Variants in CALCRL observed in about 807,000 individuals in gnomAD.
The protein encoded by CALCRL is calcitonin receptor like receptor.
Under a neutral mutation model 60.4 loss-of-function variants are expected in CALCRL, and 27 were observed. The observed-to-expected ratio is 0.45, with a 90% CI of 0.33 to 0.62. CALCRL has a LOEUF of 0.62. CALCRL is among the 20% of genes least tolerant of loss of function. CALCRL has a pLI of 0.03. For missense variants in CALCRL, 424 were observed against 540.7 expected, an observed-to-expected ratio of 0.78 and a Z score of 2.14; for synonymous variants, 190 against 182.6, an observed-to-expected ratio of 1.04 and a Z score of -0.33.
chr2:187,432,497 C>T (rs1168707341), intron 1 of CALCRL, among the ~76,000 whole-genome samples: 1 of 152,006 alleles, frequency 6.6e-6, no homozygotes, highest in African/African-American at 2.4e-5. Flanking sequence ...TGTTGACCCT[C>T]AAAATGTAAA....
At chr2:187,368,844 ACACTGCCACAAAC>A (rs1687406056) in intron 8 of CALCRL, among the ~76,000 whole-genome samples, 1 of 152,162 alleles carries the variant, frequency 6.6e-6, no homozygotes, top group Admixed American at 6.5e-5. Flanking sequence ...GTCAATCTGA[ACACTGCCACAAAC>A]CATAGGCAGA....
At position 187,385,565 on chromosome 2, in the gene CALCRL, C is replaced by G. The variant is rs1274469006; in HGVS notation, c.31G>C (p.Val11Leu). ...CTTACCATAAAAAAAGGCAAGAGAA[C>G]CAGAAAATACAGGGTACACTTTTTC... The part of the protein sequence containing the change: MEKKCTLYFL[V>L]LLPFFMILVT... The change falls in exon 4 of 15, where the codon GTT becomes CTT. Residue 11 changes from valine (V) to leucine (L), a missense_variant. This residue lies in a region of CALCRL where 108 missense variants were observed against 132.9 expected (regional missense o/e 0.81). Transcript: ENST00000392370. The G allele has an allele frequency of 6.5e-7, 1 of 1,547,730 alleles. No homozygotes were observed. Among genetic ancestry groups the G allele is most frequent in the Non-Finnish European group, 8.9e-7 (1 of 1,128,678 alleles).
chr2:187,354,225 A>G (rs1158700892), intron 12 of CALCRL, among the ~76,000 whole-genome samples: 1 of 152,022 alleles, frequency 6.6e-6, no homozygotes, highest in Non-Finnish European at 1.5e-5. Context: ...TAGTAGGCCC[A>G]TCAGGCTATT....
intron 8 of CALCRL, among the ~76,000 whole-genome samples, chr2:187,369,944 G>A (rs1294871846): frequency 6.6e-6 from 1 of 152,102 alleles, no homozygotes; most frequent in Non-Finnish European, 1.5e-5. Context: ...CAGAGTACAA[G>A]GTAAACGTCC....
chr2:187,351,403 A>G (rs954309966), intron 14 of CALCRL, among the ~76,000 whole-genome samples: 2 of 151,844 alleles, frequency 1.3e-5, no homozygotes, highest in Admixed American at 1.3e-4. Flanking sequence ...GTTATGAATT[A>G]GAGCATTCTC....
intron 1 of CALCRL, among the ~76,000 whole-genome samples, chr2:187,447,596 G>A (rs1317951655): frequency 1.3e-5 from 2 of 152,038 alleles, no homozygotes; most frequent in Non-Finnish European, 2.9e-5. Context: ...CACAGAGTAA[G>A]TGAGACTCCG....
intron 8 of CALCRL, among the ~76,000 whole-genome samples, chr2:187,368,378 C>T (rs1017238641): frequency 2.0e-5 from 3 of 151,996 alleles, no homozygotes; most frequent in African/African-American, 7.2e-5. Flanking sequence ...TTTTAAGTAA[C>T]TCAATCAAAC....
chr2:187,415,739 G>C, intron 1 of CALCRL: 1 of 520,636 alleles, frequency 1.9e-6, no homozygotes. Flanking sequence ...GAGGGGGCTG[G>C]CATTGCTCTC....
intron 1 of CALCRL, among the ~76,000 whole-genome samples, chr2:187,423,406 C>T: frequency 6.6e-6 from 1 of 151,164 alleles, no homozygotes; most frequent in African/African-American, 2.4e-5. Context: ...CAATTTCCCA[C>T]CAAATATGGT....
At chr2:187,410,833 A>G (rs1689325406) in intron 1 of CALCRL, among the ~76,000 whole-genome samples, 1 of 151,634 alleles carries the variant, frequency 6.6e-6, no homozygotes, top group Non-Finnish European at 1.5e-5. Context: ...TTGGGATGAG[A>G]GCATGGTTGA....
chr2:187,412,685 G>T (rs1689419287), intron 1 of CALCRL, among the ~76,000 whole-genome samples: 1 of 152,122 alleles, frequency 6.6e-6, no homozygotes, highest in Admixed American at 6.5e-5. Context: ...TAAAAAAATA[G>T]CAGGTGGAAG....
At chr2:187,354,474 G>A (rs13414158) in intron 12 of CALCRL, among the ~76,000 whole-genome samples, 5,895 of 152,094 alleles carry the variant, frequency 0.039, 365 homozygotes, top group African/African-American at 0.13. Context: ...TGTGATGGAG[G>A]AAGTCTGAGT....
In CALCRL at chr2:187,359,015, A is replaced by G. The variant is rs562547289; in HGVS notation, c.909+48T>C. On this transcript the variant is annotated intron_variant, in intron 12 of 14. Transcript: ENST00000392370. ...ACCATAGGCCAGATGATTCAGAAAT[A>G]AAGTTGAAATGTGAGCAATGATAAG... 18 of 1,441,434 alleles carry G rather than the reference A, an allele frequency of 1.2e-5. No individual in the cohort carries two copies. The Admixed American group carries it at 3.0e-4, about 24-fold the overall frequency. The allele number at this position is 1,441,434 out of a possible 1,614,324, so 89.3% of individuals were successfully genotyped here.
chr2:187,374,531 TG>T (rs1298623257), intron 8 of CALCRL, among the ~76,000 whole-genome samples: 7 of 152,160 alleles, frequency 4.6e-5, no homozygotes. Context: ...ATCATTGAAG[TG>T]TTTGCTTCAA....
At chr2:187,359,434 CATT>C (rs1451974908) in intron 10 of CALCRL, among the ~76,000 whole-genome samples, 162 bp from the exon 11 acceptor site, 1 of 152,068 alleles carries the variant, frequency 6.6e-6, no homozygotes, top group Non-Finnish European at 1.5e-5. Context: ...CAACAATACA[CATT>C]ATAAAGTATT....
intron 8 of CALCRL, among the ~76,000 whole-genome samples, chr2:187,376,861 A>G (rs1687778124): frequency 6.6e-6 from 1 of 152,152 alleles, no homozygotes; most frequent in African/African-American, 2.4e-5. Context: ...TGACATGCAA[A>G]ATAAAAAGAG....
At chr2:187,426,736 A>C (rs1690150755) in intron 1 of CALCRL, among the ~76,000 whole-genome samples, 3 of 152,078 alleles carry the variant, frequency 2.0e-5, no homozygotes, top group African/African-American at 7.2e-5. Context: ...AACCCAGCTT[A>C]CCTATGAGGG....
chr2:187,371,904 A>AT (rs1311541378), intron 8 of CALCRL, among the ~76,000 whole-genome samples: 1 of 152,128 alleles, frequency 6.6e-6, no homozygotes, highest in Non-Finnish European at 1.5e-5. Flanking sequence ...AAAAATGAGA[A>AT]TTTTGGTCAT....
intron 8 of CALCRL, among the ~76,000 whole-genome samples, chr2:187,366,329 T>A (rs1017487232): frequency 6.6e-6 from 1 of 151,268 alleles, no homozygotes; most frequent in Non-Finnish European, 1.5e-5. Flanking sequence ...TAATAAGTAG[T>A]TTTAAATAGC....
Sources: allele counts gnomAD v4.1 joint callset (sites outside exome capture counted in the v4.1 genomes callset), GRCh38; gene constraint gnomAD v4.1.1; regional missense constraint gnomAD v4.1.1; transcripts MANE v1.5; gene names NCBI Gene and HGNC (gene_info 2026-07-23, HGNC 2026-07-21).